GALC: variants seen among roughly 807,000 people sequenced by gnomAD.
GALC encodes the protein galactosylceramidase.
GALC carries 77 observed loss-of-function variants against 91.8 expected under a neutral mutation model. That is an observed-to-expected ratio of 0.84 (90% CI 0.70 to 1.01). The LOEUF (loss-of-function observed/expected upper bound fraction) is 1.01, where lower values mean the gene tolerates loss of function less well. Among genes scored for constraint, GALC ranks in the 50% least tolerant of loss-of-function variants. The pLI, the probability that GALC is intolerant of heterozygous loss-of-function variation, is 0.00. For synonymous variants in GALC, 357 were observed against 306.7 expected (o/e 1.16, Z -1.71); for missense variants, 882 against 855.9 (o/e 1.03, Z -0.38).
In GALC at chr14:87,934,034, C is replaced by T; in HGVS notation, c.*698G>A. The T allele has an allele frequency of 1.3e-6, 2 of 1,533,904 alleles. No individual in the cohort carries two copies. Among genetic ancestry groups the T allele is most frequent in the Non-Finnish European group, 1.7e-6 (2 of 1,145,684 alleles). Reference sequence around the variant, plus strand: ...CGTTCACAGAGAGTTATAGTGGTTACAAGACCAAAACTTGGAATCAAAAAA... The same window carrying T: ...CGTTCACAGAGAGTTATAGTGGTTATAAGACCAAAACTTGGAATCAAAAAA... On this transcript the variant is annotated 3_prime_UTR_variant, in exon 17 of 17. Transcript: ENST00000261304.
chr14:87,981,238 TA>T (rs1886735023), intron 6 of GALC: 1 of 152,172 alleles, frequency 6.6e-6, no homozygotes, highest in African/African-American at 2.4e-5. Context: ...TTCTCACTCA[TA>T]AGTGGGAGCT....
chr14:87,992,349 C>A, intron 1 of GALC: 2 of 1,535,704 alleles, frequency 1.3e-6, no homozygotes, highest in East Asian at 4.9e-5. Context: ...AGGGAGTACC[C>A]GGTAGTTTCA....
At chr14:87,938,455 GATA>G (rs766084803) in intron 16 of GALC, among the ~76,000 whole-genome samples, 2 of 151,918 alleles carry the variant, frequency 1.3e-5, no homozygotes, top group Non-Finnish European at 2.9e-5. Context: ...CGTGATTTTG[GATA>G]ATAATAGACA....
At chr14:87,993,541 C>T (rs988982564), upstream of GALC, 8 of 1,397,562 alleles carry the variant, frequency 5.7e-6, no homozygotes, top group South Asian at 7.4e-5. Flanking sequence ...GGCTTGGACA[C>T]CAGGTCCCGA....
chr14:87,957,253 G>A (rs930733132), intron 10 of GALC, among the ~76,000 whole-genome samples: 1 of 152,008 alleles, frequency 6.6e-6, no homozygotes, highest in African/African-American at 2.4e-5. Context: ...AAGCTTTTTA[G>A]TTTAATTAGG....
At chr14:87,984,242 A>G in intron 5 of GALC, 152 bp downstream of exon 5, 1 of 729,006 alleles carries the variant, frequency 1.4e-6, no homozygotes, top group Non-Finnish European at 2.2e-6. Flanking sequence ...TAAAGGTCAC[A>G]GGTACTTAGT....
Position 87,933,946 on chromosome 14 carries a change from G to T in GALC, c.*786C>A. The T allele has an allele frequency of 6.6e-7, 1 of 1,520,378 alleles. No homozygotes were observed. The highest frequency in any genetic ancestry group is 8.8e-7 in the Non-Finnish European group (1 of 1,133,050). The allele number at this position is 1,520,378 out of a possible 1,614,324, so 94.2% of individuals were successfully genotyped here. On this transcript the variant is annotated 3_prime_UTR_variant, in exon 17 of 17. Coordinates refer to ENST00000261304, the MANE Select transcript of GALC (RefSeq NM_000153.4). ...CACAGCACAGTGAGATGAGGCTGAG[G>T]AAACGACTACAACAGCATTGGCTAT...
Position 87,968,280 on chromosome 14 carries a change from C to T in GALC, c.908+55G>A. 4 of 1,448,826 alleles carry T rather than the reference C, an allele frequency of 2.8e-6. No homozygotes were observed. The Admixed American group carries it at 5.8e-5, about 21-fold the overall frequency. 89.7% of individuals were successfully genotyped at this position (1,448,826 alleles called of 1,614,324 possible). ...TAAGGAATTCCATTTTTTTCTAACT[C>T]TTATGTTTTTAAATTTTTTTTGATA... is the stretch of plus-strand genomic sequence containing the variant. On this transcript the variant is annotated intron_variant, in intron 8 of 16. Coordinates refer to ENST00000261304, the MANE Select transcript of GALC (RefSeq NM_000153.4).
intron 7 of GALC, among the ~76,000 whole-genome samples, chr14:87,971,732 C>T (rs1214957933): frequency 6.6e-6 from 1 of 152,124 alleles, no homozygotes; most frequent in Non-Finnish European, 1.5e-5. Flanking sequence ...CACACCTAAA[C>T]TCAAACTAGC....
chr14:87,986,609 AGAG>A lies in GALC; in HGVS notation c.329-10_329-8del, dbSNP rs770389075. 2,539 of 1,569,388 alleles carry A rather than the reference AGAG, an allele frequency of 1.6e-3. 2 individuals carry two copies. Among genetic ancestry groups the A allele is most frequent in the Non-Finnish European group, 2.2e-3 (2,456 of 1,139,734 alleles). ...TGGGAGGGCTCAGTGCCGTCTGAAT[AGAG>A]GAGAGCAAAAACGGAAGTAATGATC... is the stretch of plus-strand genomic sequence containing the variant. On this transcript the variant is annotated splice_region_variant and splice_polypyrimidine_tract_variant and intron_variant, in intron 3 of 16. Coordinates refer to ENST00000261304, the MANE Select transcript of GALC (RefSeq NM_000153.4).
At position 87,939,918 on chromosome 14, in the gene GALC, G is replaced by A. The variant is rs766762599; in HGVS notation, c.1898C>T (p.Thr633Met). The A allele has an allele frequency of 9.3e-6, 15 of 1,607,432 alleles. No homozygotes were observed. The highest frequency in any genetic ancestry group is 1.7e-5 in the Admixed American group (1 of 59,860). Residue 633 changes from threonine (T) to methionine (M), a missense_variant, in exon 16 of 17, where the codon ACG becomes ATG. By Grantham distance (81) the Thr-to-Met change is moderately conservative (BLOSUM62 -1). Transcript: ENST00000261304. ...AGCAATACTTACCTTAATAGTTAAC[G>A]TGAGTGTATACCATTTTTTTGCTGT... Reference protein sequence around the residue: ...EVTAKKWYTLTLTIKGHFTSG... With the variant: ...EVTAKKWYTLMLTIKGHFTSG...
chr14:87,943,223 CCA>C (rs1160066029), intron 14 of GALC, among the ~76,000 whole-genome samples: 6 of 151,962 alleles, frequency 3.9e-5, no homozygotes, highest in African/African-American at 1.2e-4. Context: ...CAAATTTGAT[CCA>C]AGAGAGTTCA....
intron 10 of GALC, among the ~76,000 whole-genome samples, chr14:87,963,044 T>C (rs1885875766): frequency 6.6e-6 from 1 of 151,956 alleles, no homozygotes; most frequent in African/African-American, 2.4e-5. Context: ...AACCTGAGGA[T>C]GAAAAAGGAA....
intron 3 of GALC, chr14:87,987,165 T>C (rs2139756563): frequency 2.5e-6 from 1 of 396,984 alleles, no homozygotes; most frequent in Non-Finnish European, 4.9e-6. Context: ...GGTTACATTG[T>C]CTTAGCACTG....
At chr14:87,964,260 A>C (rs1283647532) in intron 9 of GALC, among the ~76,000 whole-genome samples, 3 of 152,130 alleles carry the variant, frequency 2.0e-5, no homozygotes, top group African/African-American at 4.8e-5. Flanking sequence ...TAATATCATG[A>C]TTACATGATT....
intron 10 of GALC, among the ~76,000 whole-genome samples, chr14:87,952,062 A>G (rs1179005956): frequency 6.6e-6 from 1 of 151,926 alleles, no homozygotes; most frequent in African/African-American, 2.4e-5. Context: ...CTGTGGAAAT[A>G]AAATTTTTTT....
chr14:87,960,770 T>C (rs1278505679), intron 10 of GALC, among the ~76,000 whole-genome samples: 2 of 152,108 alleles, frequency 1.3e-5, no homozygotes, highest in Non-Finnish European at 2.9e-5. Context: ...AACTGGATAT[T>C]AAAATGCAAG....
At chr14:87,988,720 A>T (rs1887073701) in intron 1 of GALC, among the ~76,000 whole-genome samples, 197 bp from the exon 2 acceptor site, 1 of 149,210 alleles carries the variant, frequency 6.7e-6, no homozygotes, top group Non-Finnish European at 1.5e-5. Context: ...TCTGTCCGAC[A>T]GCTAAAAAAG....
intron 10 of GALC, chr14:87,954,014 T>C (rs1885415606): frequency 5.0e-6 from 8 of 1,609,544 alleles, no homozygotes; most frequent in Non-Finnish European, 6.8e-6. Context: ...TACTCGCAGA[T>C]GTTGTTATTC....
Sources: allele counts gnomAD v4.1 joint callset (sites outside exome capture counted in the v4.1 genomes callset), GRCh38; gene constraint gnomAD v4.1.1; transcripts MANE v1.5; gene names NCBI Gene and HGNC (gene_info 2026-07-23, HGNC 2026-07-21).